PRKD1: variants seen among roughly 807,000 people sequenced by gnomAD.
PRKD1 encodes protein kinase D1.
Under a neutral mutation model 95.9 loss-of-function variants are expected in PRKD1, and 63 were observed. That is an observed-to-expected ratio of 0.66 (90% CI 0.54 to 0.81). The LOEUF is 0.81. PRKD1 is among the 30% of genes least tolerant of loss of function. The pLI is 0.00. For missense variants in PRKD1, 1,048 were observed against 1,165.3 expected (o/e 0.90, Z 1.47); for synonymous variants, 425 against 423.1 (o/e 1.00, Z -0.05).
chr14:29,880,008 C>T (rs1437622445), intron 1 of PRKD1, among the ~76,000 whole-genome samples: 1 of 152,116 alleles, frequency 6.6e-6, no homozygotes, highest in Admixed American at 6.5e-5. Context: ...TAAAGGTTCA[C>T]AAAATTTTCA....
intron 2 of PRKD1, among the ~76,000 whole-genome samples, chr14:29,691,601 ATTATTAGGTTGGTGCAAAAG>A (rs1408134608): frequency 8.5e-5 from 13 of 152,274 alleles, no homozygotes; most frequent in Middle Eastern, 3.4e-3. Flanking sequence ...CAAAGTAACA[ATTATTAGGTTGGTGCAAAAG>A]TTATTAGGTT....
intron 4 of PRKD1, among the ~76,000 whole-genome samples, chr14:29,656,233 C>T (rs971629654): frequency 1.8e-4 from 28 of 152,148 alleles, no homozygotes; most frequent in Admixed American, 1.8e-3. Context: ...AAACCTAATT[C>T]TATTACTCTA....
At chr14:29,858,739 C>T (rs1437107142) in intron 1 of PRKD1, among the ~76,000 whole-genome samples, 1 of 151,998 alleles carries the variant, frequency 6.6e-6, no homozygotes, top group African/African-American at 2.4e-5. Context: ...ACCTTAAACT[C>T]ATTATCTTTT....
chr14:29,717,801 A>G lies in PRKD1; in HGVS notation c.403+7735T>C, dbSNP rs1303787663. On this transcript the variant is annotated intron_variant, in intron 2 of 17. Transcript: ENST00000331968. ...TTTTCATATGAAATAAGAGGCTTCA[A>G]GACTTTTCACTTCCGGGTTTGTCTT... 3.3e-5 allele frequency among the ~76,000 whole-genome samples: 5 copies of G among 152,206 alleles called. No homozygotes were observed. In the East Asian group the frequency reaches 7.7e-4, roughly 23 times the overall value.
At chr14:29,835,748 T>C (rs1051116038) in intron 1 of PRKD1, among the ~76,000 whole-genome samples, 3 of 152,030 alleles carry the variant, frequency 2.0e-5, no homozygotes, top group Non-Finnish European at 4.4e-5. Context: ...TTTTTGTATT[T>C]TTAGTAGAGA....
At chr14:29,862,800 C>A (rs1892756271) in intron 1 of PRKD1, among the ~76,000 whole-genome samples, 1 of 152,032 alleles carries the variant, frequency 6.6e-6, no homozygotes, top group Non-Finnish European at 1.5e-5. Flanking sequence ...CAAATATTTT[C>A]TCCTATTCTG....
intron 1 of PRKD1, among the ~76,000 whole-genome samples, chr14:29,826,466 A>G (rs1253630493): frequency 1.0e-4 from 6 of 59,772 alleles, no homozygotes; most frequent in Admixed American, 2.5e-4. Context: ...GATGGAATAT[A>G]TATACATATA....
intron 1 of PRKD1, among the ~76,000 whole-genome samples, chr14:29,862,130 G>A (rs1459352947): frequency 6.6e-6 from 1 of 152,136 alleles, no homozygotes; most frequent in Non-Finnish European, 1.5e-5. Context: ...GGACATGTGA[G>A]GTTTATCTTT....
intron 1 of PRKD1, among the ~76,000 whole-genome samples, chr14:29,740,813 T>C (rs756683214): frequency 2.0e-5 from 3 of 152,220 alleles, no homozygotes; most frequent in Non-Finnish European, 4.4e-5. Flanking sequence ...TGAATGTTCA[T>C]TGCAGCACTA....
chr14:29,913,803 A>T (rs559239568), intron 1 of PRKD1, among the ~76,000 whole-genome samples: 2 of 152,328 alleles, frequency 1.3e-5, no homozygotes, highest in African/African-American at 4.8e-5. Flanking sequence ...GTGTCCAACT[A>T]GCTAAGATGA....
intron 1 of PRKD1, among the ~76,000 whole-genome samples, chr14:29,903,622 G>A (rs1894396792): frequency 6.6e-6 from 1 of 152,096 alleles, no homozygotes; most frequent in African/African-American, 2.4e-5. Flanking sequence ...TTCTCCAAAA[G>A]CCATTCTGAA....
At chr14:29,826,583 T>C (rs1891131769) in intron 1 of PRKD1, among the ~76,000 whole-genome samples, 1 of 126,346 alleles carries the variant, frequency 7.9e-6, no homozygotes, top group Non-Finnish European at 1.6e-5. Flanking sequence ...TATACATATA[T>C]ATGATGAAAA....
chr14:29,864,771 G>A (rs886165985), intron 1 of PRKD1, among the ~76,000 whole-genome samples: 1 of 152,042 alleles, frequency 6.6e-6, no homozygotes, highest in Admixed American at 6.6e-5. Flanking sequence ...AGGAGGGCAG[G>A]GAAATAAAGG....
chr14:29,863,899 C>G (rs545531178), intron 1 of PRKD1, among the ~76,000 whole-genome samples: 18 of 152,136 alleles, frequency 1.2e-4, no homozygotes, highest in Admixed American at 5.9e-4. Context: ...CTCAAAAACA[C>G]AAATGAATAA....
At chr14:29,776,430 T>A (rs1365548199) in intron 1 of PRKD1, among the ~76,000 whole-genome samples, 1 of 151,892 alleles carries the variant, frequency 6.6e-6, no homozygotes, top group Non-Finnish European at 1.5e-5. Flanking sequence ...CTAGAATAAG[T>A]AGTGTAGAGA....
At chr14:29,615,323 G>C (rs145604950) in intron 13 of PRKD1, among the ~76,000 whole-genome samples, 527 of 152,228 alleles carry the variant, frequency 3.5e-3, no homozygotes, top group Admixed American at 5.5e-3. Context: ...AACAATTTTT[G>C]ACAAAATAGT....
At chr14:29,675,993 G>C (rs190943605) in intron 2 of PRKD1, among the ~76,000 whole-genome samples, 1 of 119,214 alleles carries the variant, frequency 8.4e-6, no homozygotes, top group Non-Finnish European at 1.7e-5. Flanking sequence ...GTGGGGGGTG[G>C]GGGGAGGGAT....
At chr14:29,734,230 C>CG (rs1211053778) in intron 1 of PRKD1, among the ~76,000 whole-genome samples, 1 of 151,650 alleles carries the variant, frequency 6.6e-6, no homozygotes, top group Admixed American at 6.6e-5. Flanking sequence ...TTAGTAGAGA[C>CG]GGGGTTTCAC....
intron 1 of PRKD1, among the ~76,000 whole-genome samples, chr14:29,899,989 C>T (rs932504722): frequency 5.9e-5 from 9 of 152,216 alleles, no homozygotes; most frequent in Non-Finnish European, 2.9e-5. Context: ...AGCTCTCTTT[C>T]CTGCCATCTT....
Sources: allele counts gnomAD v4.1 joint callset (sites outside exome capture counted in the v4.1 genomes callset), GRCh38; gene constraint gnomAD v4.1.1; transcripts MANE v1.5; gene names NCBI Gene and HGNC (gene_info 2026-07-23, HGNC 2026-07-21).